Variants in PRKAR1A observed in about 807,000 individuals in gnomAD.
PRKAR1A encodes the protein protein kinase cAMP-dependent type I regulatory subunit alpha, also known as cAMP-dependent protein kinase type I-alpha regulatory subunit.
In PRKAR1A, 3 loss-of-function variants were observed where a neutral mutation model predicts 52.0. The ratio of observed to expected loss-of-function variants is 0.06; its 90% confidence interval spans 0.03 to 0.15. PRKAR1A has a LOEUF of 0.15. Among genes scored for constraint, PRKAR1A ranks in the 10% least tolerant of loss-of-function variants. The pLI, the probability that PRKAR1A is intolerant of heterozygous loss-of-function variation, is 1.00. For missense variants in PRKAR1A, 240 were observed against 477.4 expected, an observed-to-expected ratio of 0.50 and a Z score of 4.63; for synonymous variants, 188 against 168.4, an observed-to-expected ratio of 1.12 and a Z score of -0.90.
At chr17:68,491,374 G>A in the PRKAR1A span, among the ~76,000 whole-genome samples, 1 of 152,324 alleles carries the variant, frequency 6.6e-6, no homozygotes, top group Non-Finnish European at 1.5e-5. Context: ...TTACAGGCGT[G>A]AGCCACCGCG....
At chr17:68,495,856 G>A in the PRKAR1A span, among the ~76,000 whole-genome samples, 1 of 149,952 alleles carries the variant, frequency 6.7e-6, no homozygotes. Flanking sequence ...AAGGCTCTGG[G>A]GGAGAATCTG....
chr17:68,487,971 G>A, the PRKAR1A span, among the ~76,000 whole-genome samples: 20 of 152,130 alleles, frequency 1.3e-4, no homozygotes, highest in Non-Finnish European at 1.9e-4. Flanking sequence ...TGAAGCTTAC[G>A]TTTGTATGAA....
At chr17:68,447,992 A>ATG in the PRKAR1A span, among the ~76,000 whole-genome samples, 1 of 148,608 alleles carries the variant, frequency 6.7e-6, no homozygotes, top group African/African-American at 2.6e-5. Flanking sequence ...CTCAAAAAAA[A>ATG]AAAAAAAAAA....
the PRKAR1A span, chr17:68,426,184 CAAGA>C: frequency 6.3e-7 from 1 of 1,576,752 alleles, no homozygotes; most frequent in Non-Finnish European, 8.6e-7. Context: ...ACCTGGAAAC[CAAGA>C]AAGAGACATG....
the PRKAR1A span, among the ~76,000 whole-genome samples, chr17:68,482,191 AAGAC>A: frequency 6.6e-6 from 1 of 152,224 alleles, no homozygotes; most frequent in Non-Finnish European, 1.5e-5. Context: ...GACAGGGAAA[AAGAC>A]AGACGGATTT....
the PRKAR1A span, among the ~76,000 whole-genome samples, chr17:68,490,512 G>T: frequency 1.3e-5 from 2 of 152,210 alleles, no homozygotes; most frequent in East Asian, 3.8e-4. Context: ...CTCCTGCACA[G>T]GGAGTGTTGG....
chr17:68,529,817 A>T, intron 9 of PRKAR1A, 103 bp from the exon 10 acceptor site: 1 of 1,069,774 alleles, frequency 9.3e-7, no homozygotes, highest in Non-Finnish European at 1.5e-6. Context: ...TTTTTATCAT[A>T]TGCACACATT....
chr17:68,512,850 C>T (rs991914838), intron 1 of PRKAR1A: 2 of 152,248 alleles, frequency 1.3e-5, no homozygotes, highest in African/African-American at 4.8e-5. Context: ...CGGCCCTCCC[C>T]GGCCGCCTTC....
chr17:68,490,122 G>A, the PRKAR1A span, among the ~76,000 whole-genome samples: 8 of 152,212 alleles, frequency 5.3e-5, no homozygotes, highest in African/African-American at 1.9e-4. Context: ...TGTTGATGAC[G>A]ATGTCTGGTT....
the PRKAR1A span, among the ~76,000 whole-genome samples, chr17:68,495,527 T>C: frequency 1.7e-4 from 26 of 152,338 alleles, no homozygotes; most frequent in African/African-American, 6.0e-4. Context: ...GCTTTCAAAA[T>C]TTACCTCTGA....
At chr17:68,492,054 A>C in the PRKAR1A span, among the ~76,000 whole-genome samples, 2 of 152,228 alleles carry the variant, frequency 1.3e-5, no homozygotes, top group African/African-American at 2.4e-5. Flanking sequence ...AGATATCCGC[A>C]AGGAAGCCTG....
the PRKAR1A span, among the ~76,000 whole-genome samples, chr17:68,438,506 A>T: frequency 2.0e-5 from 3 of 152,238 alleles, no homozygotes; most frequent in East Asian, 5.8e-4. Flanking sequence ...AAAGATGTGA[A>T]GACTGTGGAA....
At chr17:68,459,796 T>G in the PRKAR1A span, among the ~76,000 whole-genome samples, 1 of 152,160 alleles carries the variant, frequency 6.6e-6, no homozygotes, top group Non-Finnish European at 1.5e-5. Context: ...AAAAATATCA[T>G]TTCAATATAA....
At chr17:68,545,758 C>T (rs2086525788) in intron 11 of PRKAR1A, among the ~76,000 whole-genome samples, 1 of 152,238 alleles carries the variant, frequency 6.6e-6, no homozygotes, top group African/African-American at 2.4e-5. Context: ...GCTGCTTTAT[C>T]AACTAAGTTT....
intron 11 of PRKAR1A, among the ~76,000 whole-genome samples, chr17:68,548,865 T>C (rs1418309429): frequency 4.0e-5 from 6 of 150,818 alleles, no homozygotes; most frequent in Admixed American, 2.0e-4. Context: ...CCCGAGCAGC[T>C]GGGACTACCG....
At chr17:68,537,410 A>G (rs1278192751), downstream of PRKAR1A, 1 of 1,601,180 alleles carries the variant, frequency 6.2e-7, no homozygotes, top group East Asian at 2.2e-5. This position sits in a 1 kb window ranked among gnomAD's most constrained non-coding sequence, Gnocchi z 4.2. Flanking sequence ...GTGAGGACGC[A>G]GGGTCGGCAC....
the PRKAR1A span, among the ~76,000 whole-genome samples, chr17:68,469,614 T>C: frequency 7.9e-5 from 12 of 151,986 alleles, no homozygotes; most frequent in South Asian, 4.2e-4. Flanking sequence ...TTTTTTTTTT[T>C]CCCTCTCTTG....
chr17:68,460,524 T>C, the PRKAR1A span, among the ~76,000 whole-genome samples: 1 of 152,318 alleles, frequency 6.6e-6, no homozygotes, highest in Admixed American at 6.5e-5. Context: ...CCTCAGCCTT[T>C]CCTGTGAATG....
intron 11 of PRKAR1A, among the ~76,000 whole-genome samples, chr17:68,545,975 C>T (rs1302093753): frequency 1.3e-5 from 2 of 152,084 alleles, no homozygotes; most frequent in Admixed American, 6.5e-5. Flanking sequence ...TGAGACCATC[C>T]TGGCTAACAC....
Sources: allele counts gnomAD v4.1 joint callset (sites outside exome capture counted in the v4.1 genomes callset), GRCh38; gene constraint gnomAD v4.1.1; non-coding constraint Gnocchi (gnomAD v3.1); transcripts MANE v1.5; gene names NCBI Gene and HGNC (gene_info 2026-07-23, HGNC 2026-07-21).